MPC1: variants seen among roughly 807,000 people sequenced by gnomAD.
The protein encoded by MPC1 is mitochondrial pyruvate carrier 1, also known as HSPC040 protein.
MPC1 carries 6 observed loss-of-function variants against 13.9 expected under a neutral mutation model. The observed-to-expected ratio is 0.43, with a 90% confidence interval of 0.24 to 0.85. The LOEUF is 0.85. Ranked by LOEUF, MPC1 falls within the 40% of genes least tolerant of loss-of-function variation. The probability of loss-of-function intolerance (pLI) is 0.24; values close to 1 mark genes in which losing one functional copy is unlikely to be tolerated. For missense variants in MPC1, 115 were observed against 143.3 expected (o/e 0.80, Z 1.01); for synonymous variants, 47 against 50.5 (o/e 0.93, Z 0.29).
intron 1 of MPC1, among the ~76,000 whole-genome samples, chr6:166,375,040 T>C (rs1779520500): frequency 6.6e-6 from 1 of 152,236 alleles, no homozygotes; most frequent in African/African-American, 2.4e-5. Flanking sequence ...ATGGCTTCTC[T>C]TTGGCATATT....
Position 166,365,530 on chromosome 6 carries a change from A to C in MPC1, c.306-77T>G. The C allele has an allele frequency of 8.6e-7, 1 of 1,167,250 alleles. No homozygotes were observed. The highest frequency in any genetic ancestry group is 1.2e-6 in the Non-Finnish European group (1 of 833,806). 72.3% of individuals were successfully genotyped at this position (1,167,250 alleles called of 1,614,324 possible). The stretch of plus-strand genomic sequence containing the variant: ...ATCGCAAGGGCTTTGGATGGCTTTT[A>C]AAAGACACCTTTACATAACATTTAT... On this transcript the variant is annotated intron_variant, in intron 4 of 4. Transcript: ENST00000360961. The surrounding 1 kb of genome is among the most constrained non-coding windows in gnomAD (Gnocchi z 4.2).
chr6:166,379,945 A>T (rs1779706165), intron 1 of MPC1, among the ~76,000 whole-genome samples: 1 of 152,254 alleles, frequency 6.6e-6, no homozygotes, highest in South Asian at 2.1e-4. Flanking sequence ...TAAAATAAAA[A>T]GCTTCTGGTC....
intron 3 of MPC1, among the ~76,000 whole-genome samples, chr6:166,366,351 T>C (rs1311082118): frequency 6.6e-6 from 1 of 152,160 alleles, no homozygotes; most frequent in African/African-American, 2.4e-5. Context: ...CGAGCAAGAG[T>C]AGGCTGAAAT....
At chr6:166,376,955 T>A (rs774013437) in intron 1 of MPC1, among the ~76,000 whole-genome samples, 3 of 152,182 alleles carry the variant, frequency 2.0e-5, no homozygotes, top group Non-Finnish European at 4.4e-5. Context: ...ATATTCAAAG[T>A]GATTATTGAT....
At position 166,367,037 on chromosome 6, in the gene MPC1, T is replaced by C. The variant is rs1779185529; in HGVS notation, c.76-146A>G. On this transcript the variant is annotated intron_variant, in intron 2 of 4. Transcript: ENST00000360961. ...CATCTTGCAGGTTTACTGGGTTAAT[T>C]GATGGTTAACATTTAGGTATTGGAT... is the stretch of plus-strand genomic sequence containing the variant. The C allele has an allele frequency of 2.0e-6, 3 of 1,513,062 alleles. No homozygotes were observed. In the South Asian group the frequency reaches 3.6e-5, roughly 18 times the overall value. 93.7% of individuals were successfully genotyped at this position (1,513,062 alleles called of 1,614,324 possible). A position where few individuals can be genotyped will look rare whatever the true frequency, so the allele number is the denominator to read the frequency against.
At chr6:166,370,112 G>C (rs767172704) in intron 2 of MPC1, 106 bp downstream of exon 2, 20 of 772,426 alleles carry the variant, frequency 2.6e-5, no homozygotes, top group Non-Finnish European at 4.1e-5. Flanking sequence ...CAGCCATGGC[G>C]GCTAGAAAGG....
Position 166,365,379 on chromosome 6 carries a change from A to G in MPC1, c.*50T>C. 6.8e-7 allele frequency: 1 copy of G among 1,461,780 alleles called. No homozygotes were observed. The highest frequency in any genetic ancestry group is 9.1e-7 in the Non-Finnish European group (1 of 1,095,162). 90.6% of individuals were successfully genotyped at this position (1,461,780 alleles called of 1,614,324 possible). Reference sequence around the variant, plus strand: ...TTTATAATGAAATCTGTGACTCAGCAGCAGCTGGCAATGCTGTCCCTTCAA... The same window carrying G: ...TTTATAATGAAATCTGTGACTCAGCGGCAGCTGGCAATGCTGTCCCTTCAA... On this transcript the variant is annotated 3_prime_UTR_variant, in exon 5 of 5. Coordinates refer to ENST00000360961, the MANE Select transcript of MPC1 (RefSeq NM_016098.4). This position sits in a 1 kb window ranked among gnomAD's most constrained non-coding sequence, Gnocchi z 4.2.
intron 2 of MPC1, chr6:166,369,857 A>G: frequency 2.5e-6 from 1 of 397,652 alleles, no homozygotes; most frequent in Non-Finnish European, 4.7e-6. Flanking sequence ...AAATCAAGCC[A>G]TGGAAATGAA....
At chr6:166,382,575 T>A (rs896356539) in intron 1 of MPC1, among the ~76,000 whole-genome samples, 1 of 151,478 alleles carries the variant, frequency 6.6e-6, no homozygotes, top group Non-Finnish European at 1.5e-5. Flanking sequence ...ACCCCCGCCC[T>A]GAAAGGCGCC....
In MPC1 at chr6:166,365,237, TA is replaced by T; in HGVS notation, c.*191del. ...TTGAGCTACTCTTTATGGAAAGAAG[TA>T]AAATATTTAATACTTGTAAGGCAGC... is the stretch of plus-strand genomic sequence containing the variant. On this transcript the variant is annotated 3_prime_UTR_variant, in exon 5 of 5. Transcript: ENST00000360961. The surrounding 1 kb of genome is among the most constrained non-coding windows in gnomAD (Gnocchi z 4.2). The T allele has an allele frequency of 2.3e-6, 1 of 428,746 alleles. No homozygotes were observed. Among genetic ancestry groups the T allele is most frequent in the Non-Finnish European group, 4.0e-6 (1 of 247,670 alleles). The allele number at this position is 428,746 out of a possible 1,614,324, so 26.6% of individuals were successfully genotyped here. A position where few individuals can be genotyped will look rare whatever the true frequency, so the allele number is the denominator to read the frequency against.
At chr6:166,375,770 T>C (rs2114968260) in intron 1 of MPC1, among the ~76,000 whole-genome samples, 1 of 152,336 alleles carries the variant, frequency 6.6e-6, no homozygotes, top group Non-Finnish European at 1.5e-5. Context: ...TCTAGTCTTT[T>C]AAATTGGTTA....
At chr6:166,380,461 G>A (rs1018665963) in intron 1 of MPC1, among the ~76,000 whole-genome samples, 7 of 152,040 alleles carry the variant, frequency 4.6e-5, no homozygotes, top group African/African-American at 1.4e-4. Flanking sequence ...ATTAAATACT[G>A]GAGAAAGTAT....
chr6:166,378,860 T>C (rs1249564392), intron 1 of MPC1, among the ~76,000 whole-genome samples: 1 of 152,198 alleles, frequency 6.6e-6, no homozygotes. Flanking sequence ...TGTCAAGCGC[T>C]ATACTATGTC....
rs576980596 is a variant in MPC1 at position 166,365,058 on chromosome 6, T to A, written c.*371A>T. On this transcript the variant is annotated 3_prime_UTR_variant, in exon 5 of 5. Transcript: ENST00000360961. This position sits in a 1 kb window ranked among gnomAD's most constrained non-coding sequence, Gnocchi z 4.2. ...TGGCCAGCTGTTGGTTGTCTTGTGG[T>A]CATTAAAGACAATGTTAAGAATCAG... 3.3e-4 allele frequency: 57 copies of A among 173,352 alleles called. 1 individual carries two copies. Among genetic ancestry groups the A allele is most frequent in the Admixed American group, 1.1e-3 (18 of 15,970 alleles). The allele number at this position is 173,352 out of a possible 1,614,324, so 10.7% of individuals were successfully genotyped here. A position where few individuals can be genotyped will look rare whatever the true frequency, so the allele number is the denominator to read the frequency against.
In MPC1 at chr6:166,374,606, C is replaced by T. The variant is rs145310886; in HGVS notation, c.72-4385G>A. Among the ~76,000 whole-genome samples the T allele has an allele frequency of 7.2e-5, 11 of 152,198 alleles. No individual in the cohort carries two copies. In the East Asian group the frequency reaches 1.2e-3, roughly 16 times the overall value. ...TTTTTGGGTGAATTTTTGTAAATGGCGTCAGGTCTGTGTCTACATTCGTTT... is the reference window on the plus strand; with the variant it reads ...TTTTTGGGTGAATTTTTGTAAATGGTGTCAGGTCTGTGTCTACATTCGTTT... On this transcript the variant is annotated intron_variant, in intron 1 of 4. Transcript: ENST00000360961.
intron 3 of MPC1, 119 bp downstream of exon 3, chr6:166,366,676 C>T: frequency 1.1e-6 from 1 of 919,204 alleles, no homozygotes; most frequent in East Asian, 2.4e-5. Flanking sequence ...TCCATGCCAT[C>T]ACATTCTGTA....
chr6:166,374,285 G>A (rs1423896750), intron 1 of MPC1, among the ~76,000 whole-genome samples: 3 of 152,130 alleles, frequency 2.0e-5, no homozygotes, highest in Admixed American at 2.0e-4. Flanking sequence ...GAGCCACCGC[G>A]CCTGGCCTTA....
chr6:166,375,638 T>A (rs966506052), intron 1 of MPC1, among the ~76,000 whole-genome samples: 5 of 152,212 alleles, frequency 3.3e-5, no homozygotes, highest in South Asian at 2.1e-4. Flanking sequence ...AAAATTTATC[T>A]TGAGATTTCT....
intron 3 of MPC1, 36 bp downstream of exon 3, chr6:166,366,759 G>T (rs983443053): frequency 1.3e-6 from 2 of 1,592,772 alleles, no homozygotes; most frequent in African/African-American, 2.7e-5. Flanking sequence ...CTACTATGTT[G>T]AAAGTCCTCC....
Sources: gnomAD v4.1 joint callset for allele counts (sites outside exome capture counted in the v4.1 genomes callset) on GRCh38, gnomAD v4.1.1 for gene constraint, Gnocchi (gnomAD v3.1) non-coding constraint, MANE v1.5 for transcripts, NCBI Gene and HGNC (gene_info 2026-07-23, HGNC 2026-07-21) for gene names.